Variants in KTN1 observed in about 807,000 individuals in gnomAD.
The protein encoded by KTN1 is kinectin 1.
A neutral mutation model predicts 222.5 loss-of-function variants in KTN1; 130 were observed. That is an observed-to-expected ratio of 0.58 (90% CI 0.51 to 0.68). KTN1 has a LOEUF of 0.68. Among genes scored for constraint, KTN1 ranks in the 30% least tolerant of loss-of-function variants. The probability of loss-of-function intolerance (pLI) is 0.00; values close to 1 mark genes in which losing one functional copy is unlikely to be tolerated. For missense variants in KTN1, 1,508 were observed against 1,500.4 expected (o/e 1.01, Z -0.08); for synonymous variants, 512 against 496.3 (o/e 1.03, Z -0.42).
At chr14:55,633,751 C>A (rs1027722288) in intron 8 of KTN1, among the ~76,000 whole-genome samples, 4 of 152,126 alleles carry the variant, frequency 2.6e-5, no homozygotes, top group Non-Finnish European at 5.9e-5. Flanking sequence ...CTGAAGAACA[C>A]CTGGCATTCT....
chr14:55,654,040 A>G (rs1008930383), intron 28 of KTN1, among the ~76,000 whole-genome samples: 4 of 152,292 alleles, frequency 2.6e-5, no homozygotes, highest in Middle Eastern at 3.4e-3. Context: ...TATAGGGAAA[A>G]TGGAACTTGT....
At chr14:55,609,475 C>T (rs1566700062) in intron 1 of KTN1, among the ~76,000 whole-genome samples, 1 of 152,136 alleles carries the variant, frequency 6.6e-6, no homozygotes, top group East Asian at 1.9e-4. Flanking sequence ...CCGTGAAAAT[C>T]CAGAGACAGA....
At chr14:55,658,253 G>A (rs560896505) in intron 29 of KTN1, among the ~76,000 whole-genome samples, 8 of 152,216 alleles carry the variant, frequency 5.3e-5, no homozygotes, top group Non-Finnish European at 1.0e-4. Context: ...AACCCAAAAT[G>A]TTACTAGAGT....
At position 55,633,618 on chromosome 14, in the gene KTN1, G is replaced by A. The variant is rs10136005; in HGVS notation, c.1328+277G>A. On this transcript the variant is annotated intron_variant, in intron 8 of 43. Transcript: ENST00000395314. ...TACATATTTATATAAACATGTATGT[G>A]TATATTGTATATAAACTATGTAATA... is the stretch of plus-strand genomic sequence containing the variant. 3.1e-3 allele frequency among the ~76,000 whole-genome samples: 470 copies of A among 151,684 alleles called. 1 individual carries two copies. Among genetic ancestry groups the A allele is most frequent in the African/African-American group, 0.011 (450 of 41,416 alleles).
Position 55,580,325 on chromosome 14 carries a change from C to T in KTN1, c.-60C>T, listed in dbSNP as rs2031029278. Reference sequence around the variant, plus strand: ...GGCTGTAGTGCCGGCGCCGCCGCGTCTTCCCGGTCTCCTTTCCCGGCCGCA... The same window carrying T: ...GGCTGTAGTGCCGGCGCCGCCGCGTTTTCCCGGTCTCCTTTCCCGGCCGCA... On this transcript the variant is annotated 5_prime_UTR_variant, in exon 1 of 44. Coordinates refer to ENST00000395314, the MANE Select transcript of KTN1 (RefSeq NM_001079521.2). The T allele has an allele frequency of 1.3e-5, 2 of 148,888 alleles. No homozygotes were observed. The highest frequency in any genetic ancestry group is 6.7e-5 in the Admixed American group (1 of 14,828). 9.2% of individuals were successfully genotyped at this position (148,888 alleles called of 1,614,324 possible).
intron 1 of KTN1, among the ~76,000 whole-genome samples, chr14:55,605,696 CATT>C: frequency 6.6e-6 from 1 of 152,298 alleles, no homozygotes; most frequent in African/African-American, 2.4e-5. Context: ...TTTACTGCCT[CATT>C]ATATTGCTAT....
intron 5 of KTN1, among the ~76,000 whole-genome samples, chr14:55,622,846 TAAAACATAAATC>T (rs1182984504): frequency 6.6e-6 from 1 of 152,238 alleles, no homozygotes; most frequent in Non-Finnish European, 1.5e-5. Context: ...CTTTTGTAGT[TAAAACATAAATC>T]CAGATTCCTT....
At chr14:55,653,196 T>TA in intron 27 of KTN1, 111 bp downstream of exon 27, 3 of 760,974 alleles carry the variant, frequency 3.9e-6, no homozygotes, top group Non-Finnish European at 6.6e-6. Flanking sequence ...CCAGAAAAAT[T>TA]ATGTTGTACC....
At chr14:55,670,940 AT>A (rs1401866688) in intron 35 of KTN1, 131 bp downstream of exon 35, 4 of 545,212 alleles carry the variant, frequency 7.3e-6, no homozygotes, top group African/African-American at 2.0e-5. Flanking sequence ...TAAGAAGGTG[AT>A]TTCATTTTGT....
chr14:55,648,455 C>G (rs2042613447), intron 20 of KTN1, among the ~76,000 whole-genome samples: 2 of 152,110 alleles, frequency 1.3e-5, no homozygotes, highest in South Asian at 4.1e-4. Context: ...TTAGCTTTAC[C>G]TAACTTGATT....
intron 18 of KTN1, among the ~76,000 whole-genome samples, chr14:55,646,356 G>GAA (rs149994056): frequency 0.052 from 7,699 of 148,700 alleles, 359 homozygotes; most frequent in Non-Finnish European, 0.076. Flanking sequence ...CCTTAGTATA[G>GAA]AAAAAAAATC....
chr14:55,629,532 T>A (rs1272078798), intron 6 of KTN1, among the ~76,000 whole-genome samples: 1 of 152,076 alleles, frequency 6.6e-6, no homozygotes, highest in African/African-American at 2.4e-5. Context: ...CTTATCCCTA[T>A]TTTTTTCCCT....
intron 25 of KTN1, 40 bp downstream of exon 25, chr14:55,651,967 T>A: frequency 7.8e-7 from 1 of 1,282,506 alleles, no homozygotes. Flanking sequence ...CTATTTCTTT[T>A]TCATGAGTTA....
At chr14:55,610,092 T>C (rs1007461557) in intron 1 of KTN1, among the ~76,000 whole-genome samples, 1 of 152,178 alleles carries the variant, frequency 6.6e-6, no homozygotes, top group African/African-American at 2.4e-5. Context: ...TCTTAGTAAA[T>C]CTAGGGTATA....
At chr14:55,647,141 T>A (rs1360488999) in intron 19 of KTN1, 134 bp downstream of exon 19, 1 of 633,916 alleles carries the variant, frequency 1.6e-6, no homozygotes. Flanking sequence ...GGGATTACAT[T>A]ACCGTTTGTG....
intron 24 of KTN1, chr14:55,651,204 A>C (rs1454955019): frequency 2.2e-6 from 1 of 452,886 alleles, no homozygotes; most frequent in Non-Finnish European, 4.4e-6. Flanking sequence ...TGTACTCGTG[A>C]TTGGTGGATC....
intron 34 of KTN1, among the ~76,000 whole-genome samples, chr14:55,669,949 G>A (rs1223310585): frequency 6.6e-6 from 1 of 151,816 alleles, no homozygotes; most frequent in African/African-American, 2.4e-5. Context: ...TTAAAAGAAG[G>A]AATAAGAGGA....
At chr14:55,612,771 G>A (rs1384144252) in intron 2 of KTN1, among the ~76,000 whole-genome samples, 200 bp downstream of exon 2, 4 of 151,770 alleles carry the variant, frequency 2.6e-5, no homozygotes, top group Admixed American at 2.0e-4. Flanking sequence ...TAAACTTCAG[G>A]GCCTGATGCA....
chr14:55,626,548 T>G, intron 5 of KTN1, among the ~76,000 whole-genome samples: 1 of 152,186 alleles, frequency 6.6e-6, no homozygotes, highest in East Asian at 1.9e-4. Flanking sequence ...GTTTTTCTTA[T>G]TTTCATTTTT....
Sources: gnomAD v4.1 joint callset for allele counts (sites outside exome capture counted in the v4.1 genomes callset) on GRCh38, gnomAD v4.1.1 for gene constraint, MANE v1.5 for transcripts, NCBI Gene and HGNC (gene_info 2026-07-23, HGNC 2026-07-21) for gene names.